Variants in SEC63 observed in about 807,000 individuals in gnomAD.
SEC63 encodes the protein translocation protein SEC63 homolog.
In SEC63, 56 loss-of-function variants were observed where a neutral mutation model predicts 116.2. That is an observed-to-expected ratio of 0.48 (90% confidence interval 0.39 to 0.60). SEC63 has a LOEUF of 0.60. Ranked by LOEUF, SEC63 falls within the 20% of genes least tolerant of loss-of-function variation. The pLI, the probability that SEC63 is intolerant of heterozygous loss-of-function variation, is 0.00. For synonymous variants in SEC63, 273 were observed against 294.6 expected (o/e 0.93, Z 0.75); for missense variants, 668 against 900.0 (o/e 0.74, Z 3.30).
rs530610831 is a variant in SEC63, at chr6:107,924,191, G to A, written c.339+627C>T. On this transcript the variant is annotated intron_variant, in intron 3 of 20. Transcript: ENST00000369002. ...AGGCAGGAGAATGGCATGAACCCAG[G>A]AGGCAGAGTTTGCAGTGAGCCGACG... Among the ~76,000 whole-genome samples the A allele has an allele frequency of 2.0e-5, 3 of 151,466 alleles. No individual in the cohort carries two copies. The South Asian group carries it at 6.2e-4, about 31-fold the overall frequency.
intron 1 of SEC63, among the ~76,000 whole-genome samples, chr6:107,949,834 A>T (rs1770544702): frequency 6.6e-6 from 1 of 152,070 alleles, no homozygotes; most frequent in South Asian, 2.1e-4. Context: ...ACACGGTCTC[A>T]TTATGTTGCC....
At chr6:107,948,131 G>T (rs921087604) in intron 1 of SEC63, among the ~76,000 whole-genome samples, 7 of 151,960 alleles carry the variant, frequency 4.6e-5, no homozygotes, top group Admixed American at 1.3e-4. Context: ...CACCTCCTCT[G>T]CATGAAACAC....
intron 4 of SEC63, among the ~76,000 whole-genome samples, chr6:107,917,135 A>G (rs543103646): frequency 1.7e-4 from 26 of 152,362 alleles, no homozygotes; most frequent in South Asian, 1.4e-3. Flanking sequence ...AAACAACAGC[A>G]TGAGCGATTT....
intron 4 of SEC63, among the ~76,000 whole-genome samples, chr6:107,915,945 T>C (rs1021586367): frequency 3.3e-5 from 5 of 152,216 alleles, no homozygotes; most frequent in African/African-American, 1.2e-4. Context: ...ATTTAAGACA[T>C]TTTATACATA....
intron 4 of SEC63, 121 bp from the exon 5 acceptor site, chr6:107,913,548 A>C (rs1414095728): frequency 1.3e-6 from 1 of 775,448 alleles, no homozygotes; most frequent in Non-Finnish European, 2.3e-6. Context: ...TCCATGAATC[A>C]AGAAAAGTTT....
chr6:107,917,084 C>T (rs1180854696), intron 4 of SEC63, among the ~76,000 whole-genome samples: 1 of 152,182 alleles, frequency 6.6e-6, no homozygotes, highest in African/African-American at 2.4e-5. Flanking sequence ...ACACCTGGCC[C>T]ACCCAGAGCA....
intron 2 of SEC63, among the ~76,000 whole-genome samples, chr6:107,927,658 A>C (rs1787705464): frequency 6.6e-6 from 1 of 152,206 alleles, no homozygotes; most frequent in South Asian, 2.1e-4. Flanking sequence ...AAAGTGTTGA[A>C]CAAAGCCAGA....
chr6:107,878,692 C>T (rs1176206032), intron 18 of SEC63, among the ~76,000 whole-genome samples: 1 of 152,120 alleles, frequency 6.6e-6, no homozygotes, highest in Non-Finnish European at 1.5e-5. Flanking sequence ...CCTGTCTCTA[C>T]TAAAAATACA....
At chr6:107,890,514 CTT>C (rs1394610744) in intron 16 of SEC63, among the ~76,000 whole-genome samples, 3 of 152,160 alleles carry the variant, frequency 2.0e-5, no homozygotes, top group Non-Finnish European at 4.4e-5. Context: ...GGTCTTGACT[CTT>C]TATCCAATTT....
chr6:107,955,141 A>G (rs1770685413), intron 1 of SEC63, among the ~76,000 whole-genome samples: 1 of 152,182 alleles, frequency 6.6e-6, no homozygotes, highest in Non-Finnish European at 1.5e-5. Flanking sequence ...AAAATTACTT[A>G]CATGCTCTAC....
intron 1 of SEC63, chr6:107,957,235 G>A (rs1770727886): frequency 1.3e-5 from 2 of 152,050 alleles, no homozygotes; most frequent in Non-Finnish European, 2.9e-5. Flanking sequence ...CACTTTTTCC[G>A]TCACAAACAG....
intron 1 of SEC63, among the ~76,000 whole-genome samples, chr6:107,941,057 G>A (rs982892329): frequency 6.6e-6 from 1 of 152,002 alleles, no homozygotes; most frequent in Non-Finnish European, 1.5e-5. Flanking sequence ...TAGCTAAGAA[G>A]GAAAGGCAAC....
Position 107,871,844 on chromosome 6 carries a change from C to T in SEC63, c.2143G>A (p.Glu715Lys). The T allele has an allele frequency of 2.5e-6, 4 of 1,613,412 alleles. No individual in the cohort carries two copies. The highest frequency in any genetic ancestry group is 3.4e-6 in the Non-Finnish European group (4 of 1,179,684). ...GGCACAGGCTTAGCCTCATGAACTT[C>T]CAACTAGAAAGAAGAATTAAATGTA... ...GLDQIKPLKLEVHEAKPVPEN... is the reference protein window; with the variant it reads ...GLDQIKPLKLKVHEAKPVPEN... Residue 715 changes from glutamate to lysine, a missense_variant, in exon 21 of 21, where the codon GAA (glutamate) becomes AAA (lysine). This residue lies in a region of SEC63 where 85 missense variants were observed against 116.3 expected (regional missense o/e 0.73). Transcript: ENST00000369002.
intron 20 of SEC63, 147 bp from the exon 21 acceptor site, chr6:107,871,994 A>G (rs1786146132): frequency 2.6e-6 from 2 of 756,414 alleles, no homozygotes; most frequent in Non-Finnish European, 2.2e-6. Context: ...TCATTCATTT[A>G]GAACAGACAC....
chr6:107,898,520 CCACA>C (rs1478166238), intron 13 of SEC63, among the ~76,000 whole-genome samples: 1 of 152,066 alleles, frequency 6.6e-6, no homozygotes, highest in African/African-American at 2.4e-5. Flanking sequence ...GTATTCCTAA[CCACA>C]CTAAAGAGAC....
At chr6:107,920,425 C>CAAAAA (rs34816965) in intron 4 of SEC63, among the ~76,000 whole-genome samples, 35 of 73,422 alleles carry the variant, frequency 4.8e-4, no homozygotes, top group African/African-American at 6.0e-4. Flanking sequence ...GACTCCGTCT[C>CAAAAA]AAAAAAAAAA....
At chr6:107,876,687 A>G (rs572020277) in intron 18 of SEC63, 25 bp from the exon 19 acceptor site, 53 of 1,429,130 alleles carry the variant, frequency 3.7e-5, no homozygotes, top group Non-Finnish European at 4.7e-5. Flanking sequence ...AAAAAAAAAA[A>G]AAGAAGAGGG....
At chr6:107,920,565 G>A (rs1202032718) in intron 4 of SEC63, among the ~76,000 whole-genome samples, 1 of 152,042 alleles carries the variant, frequency 6.6e-6, no homozygotes, top group Non-Finnish European at 1.5e-5. Flanking sequence ...CTTTATTGCA[G>A]GAGACTGGAA....
chr6:107,917,757 A>AAGGCTGAGAGAGGTGAGGGAGCTGC (rs1787443657), intron 4 of SEC63, among the ~76,000 whole-genome samples: 1 of 152,222 alleles, frequency 6.6e-6, no homozygotes, highest in African/African-American at 2.4e-5. Context: ...GGCCCTAACG[A>AAGGCTGAGAGAGGTGAGGGAGCTGC]AGGCTGAGAG....
Sources: gnomAD v4.1 joint callset for allele counts (sites outside exome capture counted in the v4.1 genomes callset) on GRCh38, gnomAD v4.1.1 for gene constraint, gnomAD v4.1.1 regional missense constraint, MANE v1.5 for transcripts, NCBI Gene and HGNC (gene_info 2026-07-23, HGNC 2026-07-21) for gene names.